The following CCAR1 variants were observed in gnomAD, a reference collection of about 807,000 sequenced individuals.
CCAR1 encodes the protein cell division cycle and apoptosis regulator protein 1.
A neutral mutation model predicts 163.8 loss-of-function variants in CCAR1; 78 were observed. That is an observed-to-expected ratio of 0.48 (90% CI 0.40 to 0.57). CCAR1 has a LOEUF of 0.57. Among genes scored for constraint, CCAR1 ranks in the 20% least tolerant of loss-of-function variants. The pLI is 0.00. For synonymous variants in CCAR1, 443 were observed against 460.7 expected (o/e 0.96, Z 0.49); for missense variants, 1,019 against 1,365.2 (o/e 0.75, Z 4.00).
intron 11 of CCAR1, 64 bp downstream of exon 11, chr10:68,754,141 G>A (rs1262003684): frequency 1.8e-6 from 2 of 1,129,516 alleles, no homozygotes; most frequent in Non-Finnish European, 2.6e-6. Flanking sequence ...AAAAGGGTAT[G>A]TAGAATTATC....
intron 2 of CCAR1, chr10:68,735,690 G>A (rs2056100275): frequency 6.6e-6 from 1 of 152,166 alleles, no homozygotes. Flanking sequence ...ACAGACATGA[G>A]CTGCCTCGTC....
intron 4 of CCAR1, among the ~76,000 whole-genome samples, chr10:68,739,612 A>G (rs1239082332): frequency 6.6e-6 from 1 of 152,188 alleles, no homozygotes; most frequent in African/African-American, 2.4e-5. Context: ...TAAACTTCTT[A>G]AAAACTGACA....
intron 2 of CCAR1, among the ~76,000 whole-genome samples, chr10:68,736,212 A>G (rs1352654895): frequency 1.3e-5 from 2 of 152,160 alleles, no homozygotes; most frequent in African/African-American, 4.8e-5. Context: ...CTATGTATTT[A>G]TGGTATACAT....
Position 68,742,395 on chromosome 10 carries a change from C to T in CCAR1, c.344C>T (p.Thr115Ile). ...LLTQPAVALP[T>I]SLSLSTPQPT... is the part of the protein sequence containing the mutation. ...TTATAGCCAGCTGTTGCACTGCCTA[C>T]AAGCCTTAGCCTGTCTACTCCTCAG... Residue 115 changes from threonine (T) to isoleucine (I), a missense_variant, in exon 6 of 25, where the codon ACA becomes ATA. Thr to Ile is a moderately conservative substitution (Grantham distance 89). This residue lies in a region of CCAR1 where 644 missense variants were observed against 904.4 expected (regional missense o/e 0.71). Transcript: ENST00000265872. 6.2e-7 allele frequency: 1 copy of T among 1,612,404 alleles called. No homozygotes were observed. Among genetic ancestry groups the T allele is most frequent in the Non-Finnish European group, 8.5e-7 (1 of 1,179,232 alleles).
Position 68,791,396 on chromosome 10 carries a change from A to G in CCAR1, c.*130A>G. 2 of 535,314 alleles carry G rather than the reference A, an allele frequency of 3.7e-6. No homozygotes were observed. The highest frequency in any genetic ancestry group is 6.9e-5 in the South Asian group (2 of 28,822). 33.2% of individuals were successfully genotyped at this position (535,314 alleles called of 1,614,324 possible). On this transcript the variant is annotated 3_prime_UTR_variant, in exon 25 of 25. Coordinates refer to ENST00000265872, the MANE Select transcript of CCAR1 (RefSeq NM_018237.4). The stretch of plus-strand genomic sequence containing the variant: ...ATGTATTTTAGTTCAAATGATGTAT[A>G]AAGTTTTATGAATGTGAGTTTCTGC...
intron 17 of CCAR1, among the ~76,000 whole-genome samples, chr10:68,767,608 G>A (rs1419354628): frequency 2.0e-5 from 3 of 151,542 alleles, no homozygotes; most frequent in East Asian, 1.9e-4. Flanking sequence ...GCAGTGGCTC[G>A]ATGTTGGCTC....
At chr10:68,733,943 C>T (rs1044091507) in intron 2 of CCAR1, among the ~76,000 whole-genome samples, 20 of 152,088 alleles carry the variant, frequency 1.3e-4, no homozygotes, top group African/African-American at 4.6e-4. Context: ...GGATTACAGG[C>T]GTGAGCTACC....
In CCAR1 at chr10:68,753,888, T is replaced by C; in HGVS notation, c.1155T>C (p.Tyr385=). Residue 385 remains tyrosine, a synonymous_variant, in exon 11 of 25, where the codon TAT becomes TAC. Coordinates refer to ENST00000265872, the MANE Select transcript of CCAR1 (RefSeq NM_018237.4). ...ACATGATGGAACTAAGGCGCCGTTATCAAAATTTGTATATACCTAGTGACT... is the reference window on the plus strand; with the variant it reads ...ACATGATGGAACTAAGGCGCCGTTACCAAAATTTGTATATACCTAGTGACT... ...SCDMMELRRR[Y]QNLYIPSDFF... is the part of the protein sequence containing the mutation. 6.2e-7 allele frequency: 1 copy of C among 1,614,080 alleles called. No individual in the cohort carries two copies.
chr10:68,745,090 C>G (rs1026219110), intron 6 of CCAR1, among the ~76,000 whole-genome samples: 12 of 152,116 alleles, frequency 7.9e-5, no homozygotes, highest in African/African-American at 2.9e-4. Flanking sequence ...ACTGTAACCT[C>G]CGCCTTCTGG....
At chr10:68,733,833 T>G (rs758927367) in intron 2 of CCAR1, among the ~76,000 whole-genome samples, 45 of 152,154 alleles carry the variant, frequency 3.0e-4, no homozygotes, top group Non-Finnish European at 5.3e-4. Flanking sequence ...CTGGCTAATT[T>G]TTATATTTTT....
intron 19 of CCAR1, among the ~76,000 whole-genome samples, chr10:68,783,519 A>C (rs566319607): frequency 2.6e-5 from 4 of 152,078 alleles, no homozygotes; most frequent in Admixed American, 2.6e-4. Flanking sequence ...AGCCCTGGGG[A>C]TATCCCATAC....
chr10:68,748,802 C>T (rs186755881), intron 8 of CCAR1, among the ~76,000 whole-genome samples: 1 of 152,102 alleles, frequency 6.6e-6, no homozygotes, highest in South Asian at 2.1e-4. Context: ...CAGCCTCGAC[C>T]TCCTGGCCTT....
At chr10:68,757,488 C>A in intron 15 of CCAR1, 111 bp downstream of exon 15, 1 of 571,336 alleles carries the variant, frequency 1.8e-6, no homozygotes, top group Non-Finnish European at 3.1e-6. Flanking sequence ...GATCTCGGCT[C>A]ACTTCAGCCT....
intron 19 of CCAR1, among the ~76,000 whole-genome samples, chr10:68,783,250 C>T (rs962814510): frequency 6.6e-6 from 1 of 151,214 alleles, no homozygotes; most frequent in Non-Finnish European, 1.5e-5. Context: ...AATGCAGTGG[C>T]ACGATCTTGG....
rs768100494 is a variant in CCAR1 at position 68,771,364 on chromosome 10, T to C, written c.2457T>C (p.Asp819=). 26 of 1,596,334 alleles carry C rather than the reference T, an allele frequency of 1.6e-5. 1 individual carries two copies. In the Middle Eastern group the frequency reaches 8.2e-4, roughly 51 times the overall value. Residue 819 remains aspartate, a synonymous_variant, in exon 18 of 25, where the codon GAT becomes GAC. Transcript: ENST00000265872. ...DERKDKKEER[D]DETDEPKPKR... ...GAAAAGATAAAAAAGAAGAAAGAGATGATGAAACTGATGAACCAAAACCCA... is the reference window on the plus strand; with the variant it reads ...GAAAAGATAAAAAAGAAGAAAGAGACGATGAAACTGATGAACCAAAACCCA...
In CCAR1 at chr10:68,752,883, A is replaced by AATAGATAGATAG. The variant is rs36140870; in HGVS notation, c.1119-922_1119-911dup. On this transcript the variant is annotated intron_variant, in intron 10 of 24. Coordinates refer to ENST00000265872, the MANE Select transcript of CCAR1 (RefSeq NM_018237.4). ...AAGATTCTGCCTGTAGATAGGATAG[A>AATAGATAGATAG]ATAGATAGATAGATAGATAGATAGA... is the stretch of plus-strand genomic sequence containing the variant. Among the ~76,000 whole-genome samples, 653 of 142,404 alleles carry AATAGATAGATAG rather than the reference A, an allele frequency of 4.6e-3. 4 individuals carry two copies. The highest frequency in any genetic ancestry group is 5.0e-3 in the Admixed American group (70 of 13,908). The allele number at this position is 142,404 out of a possible 152,430, so 93.4% of individuals were successfully genotyped here. A position where few individuals can be genotyped will look rare whatever the true frequency, so the allele number is the denominator to read the frequency against.
intron 17 of CCAR1, among the ~76,000 whole-genome samples, chr10:68,768,181 C>T (rs2056558430): frequency 6.6e-6 from 1 of 152,128 alleles, no homozygotes; most frequent in Admixed American, 6.6e-5. Flanking sequence ...AAAGTCCATG[C>T]TTATTGGTGT....
At chr10:68,746,911 CTTTAAG>C (rs2133345492) in intron 6 of CCAR1, among the ~76,000 whole-genome samples, 1 of 151,908 alleles carries the variant, frequency 6.6e-6, no homozygotes, top group East Asian at 1.9e-4. Flanking sequence ...TATTATTATA[CTTTAAG>C]TTTTAGGGTA....
At chr10:68,725,829 G>T (rs974889334) in intron 2 of CCAR1, among the ~76,000 whole-genome samples, 1 of 151,870 alleles carries the variant, frequency 6.6e-6, no homozygotes, top group African/African-American at 2.4e-5. Flanking sequence ...CTTTAAAGAC[G>T]TGGAGACCTG....
Sources: allele counts gnomAD v4.1 joint callset (sites outside exome capture counted in the v4.1 genomes callset), GRCh38; gene constraint gnomAD v4.1.1; regional missense constraint gnomAD v4.1.1; transcripts MANE v1.5; gene names NCBI Gene and HGNC (gene_info 2026-07-23, HGNC 2026-07-21).